Variants in SNX14 observed in about 807,000 individuals in gnomAD.
SNX14 encodes the protein sorting nexin-14.
A neutral mutation model predicts 133.8 loss-of-function variants in SNX14; 93 were observed. The observed-to-expected ratio is 0.70, with a 90% CI of 0.59 to 0.83. SNX14 has a LOEUF of 0.83. Among genes scored for constraint, SNX14 ranks in the 40% least tolerant of loss-of-function variants. The probability of loss-of-function intolerance (pLI) is 0.00; values close to 1 mark genes in which losing one functional copy is unlikely to be tolerated. For missense variants in SNX14, 945 were observed against 1,094.9 expected (o/e 0.86, Z 1.93); for synonymous variants, 368 against 365.6 (o/e 1.01, Z -0.07).
At chr6:85,550,869 C>T (rs962698327) in intron 7 of SNX14, among the ~76,000 whole-genome samples, 1 of 152,046 alleles carries the variant, frequency 6.6e-6, no homozygotes, top group African/African-American at 2.4e-5. Flanking sequence ...CTGCTACCTC[C>T]ACCTCCCAGG....
intron 26 of SNX14, 129 bp from the exon 27 acceptor site, chr6:85,508,188 A>C: frequency 7.1e-7 from 1 of 1,401,118 alleles, no homozygotes; most frequent in East Asian, 2.6e-5. Flanking sequence ...ATACTCCCCA[A>C]ACCAGTGTTT....
chr6:85,541,889 A>G, intron 15 of SNX14, 96 bp downstream of exon 15: 1 of 845,860 alleles, frequency 1.2e-6, no homozygotes. Flanking sequence ...TAACAATGGA[A>G]CCACATATTC....
At chr6:85,524,281 A>C (rs1478242450) in intron 21 of SNX14, among the ~76,000 whole-genome samples, 1 of 152,232 alleles carries the variant, frequency 6.6e-6, no homozygotes, top group Non-Finnish European at 1.5e-5. Context: ...TGGCAAGAGG[A>C]AAATTGAGGA....
chr6:85,552,687 T>A (rs1282095190), intron 7 of SNX14, among the ~76,000 whole-genome samples: 3 of 152,188 alleles, frequency 2.0e-5, no homozygotes, highest in Non-Finnish European at 4.4e-5. Flanking sequence ...TTTGAATTAT[T>A]TTTCAGAAAC....
chr6:85,591,756 T>C (rs1416801610), intron 1 of SNX14, among the ~76,000 whole-genome samples: 5 of 152,198 alleles, frequency 3.3e-5, no homozygotes, highest in Admixed American at 1.3e-4. Context: ...ACGCCTGTAA[T>C]CCCAGCACTT....
Position 85,593,751 on chromosome 6 carries a change from G to A in SNX14, c.-33C>T. The A allele has an allele frequency of 6.2e-7, 1 of 1,612,224 alleles. No individual in the cohort carries two copies. The highest frequency in any genetic ancestry group is 8.5e-7 in the Non-Finnish European group (1 of 1,179,780). ...ACGGCGAGGCCGAGACTGCGCTACT[G>A]GCTGAGGCAGAGGTCAAGGCGACCC... On this transcript the variant is annotated 5_prime_UTR_variant, in exon 1 of 29. An upstream open reading frame in the 5' UTR gains an earlier in-frame stop. Coordinates refer to ENST00000314673, the MANE Select transcript of SNX14 (RefSeq NM_153816.6).
chr6:85,525,454 CCA>C (rs1778229399), intron 21 of SNX14, among the ~76,000 whole-genome samples: 1 of 152,060 alleles, frequency 6.6e-6, no homozygotes, highest in African/African-American at 2.4e-5. Context: ...AGAAATATTT[CCA>C]CAATCTCATG....
chr6:85,563,460 C>T (rs1393193451), intron 6 of SNX14, among the ~76,000 whole-genome samples: 8 of 152,168 alleles, frequency 5.3e-5, no homozygotes, highest in Non-Finnish European at 8.8e-5. Flanking sequence ...GGCACGATCT[C>T]GGCTCATTAC....
chr6:85,593,467 C>T (rs1328662927), intron 1 of SNX14, 112 bp downstream of exon 1: 16 of 1,434,050 alleles, frequency 1.1e-5, no homozygotes, highest in Middle Eastern at 2.5e-4. Flanking sequence ...TCGCTCTCCC[C>T]ACTGGTCCCC....
intron 12 of SNX14, 81 bp downstream of exon 12, chr6:85,547,028 CACA>C: frequency 2.1e-6 from 2 of 942,492 alleles, no homozygotes; most frequent in Non-Finnish European, 3.1e-6. Flanking sequence ...AGATGGGTAC[CACA>C]ACATCAGATC....
intron 3 of SNX14, 26 bp downstream of exon 3, chr6:85,572,272 A>T: frequency 6.2e-7 from 1 of 1,611,334 alleles, no homozygotes; most frequent in Non-Finnish European, 8.5e-7. Context: ...TAGAAGGATC[A>T]ACAAATAAAA....
chr6:85,540,810 T>C (rs1448192502), intron 15 of SNX14, among the ~76,000 whole-genome samples: 1 of 152,148 alleles, frequency 6.6e-6, no homozygotes, highest in Non-Finnish European at 1.5e-5. Context: ...CTTATCTACT[T>C]TTCTCTTTGT....
Position 85,533,744 on chromosome 6 carries a change from T to C in SNX14, c.1665A>G (p.Thr555=). Residue 555 remains threonine (T), a synonymous_variant, in exon 18 of 29, where the codon ACA becomes ACG. Coordinates refer to ENST00000314673, the MANE Select transcript of SNX14 (RefSeq NM_153816.6). The stretch of plus-strand genomic sequence containing the variant: ...CAGCAAGGTTTCGGGGAGTATTAGG[T>C]GTGCTCACAGCCTCCACTGGAGAAT... ...EDDSPVEAVS[T]PNTPRNLAAW... is the part of the protein sequence containing the mutation. The C allele has an allele frequency of 6.2e-7, 1 of 1,614,010 alleles. No individual in the cohort carries two copies. The highest frequency in any genetic ancestry group is 1.6e-4 in the Middle Eastern group (1 of 6,062).
At chr6:85,524,549 A>G (rs961142054) in intron 21 of SNX14, among the ~76,000 whole-genome samples, 1 of 152,170 alleles carries the variant, frequency 6.6e-6, no homozygotes, top group African/African-American at 2.4e-5. Flanking sequence ...TGGGAGGCCA[A>G]GGCAGATGGA....
intron 1 of SNX14, among the ~76,000 whole-genome samples, chr6:85,577,955 G>A (rs572141909): frequency 6.6e-6 from 1 of 152,310 alleles, no homozygotes; most frequent in South Asian, 2.1e-4. Context: ...ACAACGGATT[G>A]AGGAGTGAGA....
At chr6:85,589,305 T>G (rs1802060926) in intron 1 of SNX14, 1 of 162,172 alleles carries the variant, frequency 6.2e-6, no homozygotes, top group African/African-American at 2.4e-5. Flanking sequence ...CATGGCTCAC[T>G]GCATCCCAGG....
At chr6:85,561,668 G>A (rs916539400) in intron 6 of SNX14, among the ~76,000 whole-genome samples, 2 of 152,090 alleles carry the variant, frequency 1.3e-5, no homozygotes, top group African/African-American at 4.8e-5. Context: ...AAAAAAATCA[G>A]CATCAGCCCA....
chr6:85,560,253 GGATA>G (rs1791093345), intron 6 of SNX14, among the ~76,000 whole-genome samples: 1 of 152,108 alleles, frequency 6.6e-6, no homozygotes, highest in African/African-American at 2.4e-5. Flanking sequence ...ACTGATGAAT[GGATA>G]AACAAAATGT....
At chr6:85,515,168 G>A (rs1415872472) in intron 23 of SNX14, among the ~76,000 whole-genome samples, 2 of 149,944 alleles carry the variant, frequency 1.3e-5, no homozygotes, top group African/African-American at 4.9e-5. Flanking sequence ...TTGGGAGACT[G>A]AGGCAGGAGA....
Sources: gnomAD v4.1 joint callset for allele counts (sites outside exome capture counted in the v4.1 genomes callset) on GRCh38, gnomAD v4.1.1 for gene constraint, MANE v1.5 for transcripts, NCBI Gene and HGNC (gene_info 2026-07-23, HGNC 2026-07-21) for gene names.